The following PRKCA variants were observed in gnomAD, a reference collection of about 807,000 sequenced individuals.
The protein encoded by PRKCA is protein kinase C alpha type.
Under a neutral mutation model 87.0 loss-of-function variants are expected in PRKCA, and 27 were observed. The ratio of observed to expected loss-of-function variants is 0.31; its 90% CI spans 0.23 to 0.43. The LOEUF is 0.43. Among genes scored for constraint, PRKCA ranks in the 20% least tolerant of loss-of-function variants. The pLI is 1.00. For missense variants in PRKCA, 518 were observed against 852.3 expected (o/e 0.61, Z 4.88); for synonymous variants, 329 against 311.1 (o/e 1.06, Z -0.61).
At chr17:66,402,414 ATTTTTTTTT>A (rs368233389) in intron 2 of PRKCA, among the ~76,000 whole-genome samples, 1 of 133,678 alleles carries the variant, frequency 7.5e-6, no homozygotes, top group Non-Finnish European at 1.6e-5. Context: ...AGGCCAAGAA[ATTTTTTTTT>A]TTTTTTTTTT....
At chr17:66,587,917 ATATATATATATATATC>A in intron 3 of PRKCA, among the ~76,000 whole-genome samples, 1 of 132,612 alleles carries the variant, frequency 7.5e-6, no homozygotes, top group Non-Finnish European at 1.6e-5. Flanking sequence ...ATATATATAT[ATATATATATATATATC>A]CTGCAGTAGC....
intron 2 of PRKCA, among the ~76,000 whole-genome samples, chr17:66,351,381 T>C (rs1907735738): frequency 6.6e-6 from 1 of 152,206 alleles, no homozygotes; most frequent in Non-Finnish European, 1.5e-5. Flanking sequence ...TGGCATTGTG[T>C]TGGTTCCTAT....
At chr17:66,778,502 C>T (rs780943747) in intron 14 of PRKCA, among the ~76,000 whole-genome samples, 9 of 151,826 alleles carry the variant, frequency 5.9e-5, no homozygotes, top group African/African-American at 1.2e-4. Context: ...GGCGACAGAG[C>T]GAGACTCCAT....
intron 8 of PRKCA, among the ~76,000 whole-genome samples, chr17:66,715,736 T>G (rs1345444889): frequency 6.6e-6 from 1 of 151,774 alleles, no homozygotes; most frequent in Non-Finnish European, 1.5e-5. Context: ...AGGATACAGT[T>G]TTTTTTTTGC....
In PRKCA at chr17:66,704,402, A is replaced by G. The variant is rs115909336; in HGVS notation, c.918+15355A>G. Among the ~76,000 whole-genome samples the G allele has an allele frequency of 1.1e-3, 175 of 152,344 alleles. 1 individual carries two copies. The highest frequency in any genetic ancestry group is 4.0e-3 in the African/African-American group (166 of 41,586). ...TATTAAGGCTTATAGTTATCTGTAC[A>G]TACATATTCTACTAACTCTATAATA... is the stretch of plus-strand genomic sequence containing the variant. On this transcript the variant is annotated intron_variant, in intron 8 of 16. Transcript: ENST00000413366.
intron 2 of PRKCA, among the ~76,000 whole-genome samples, chr17:66,342,902 G>A (rs755086104): frequency 2.6e-5 from 4 of 152,106 alleles, no homozygotes; most frequent in Non-Finnish European, 5.9e-5. Flanking sequence ...ATCCATCCTT[G>A]TTCATAGAAA....
chr17:66,461,926 C>T (rs1567841501), intron 2 of PRKCA, among the ~76,000 whole-genome samples: 1 of 151,822 alleles, frequency 6.6e-6, no homozygotes, highest in Non-Finnish European at 1.5e-5. Context: ...TCCTAACTAC[C>T]GAGGAGGAGA....
At chr17:66,340,110 C>T (rs1356545508) in intron 2 of PRKCA, 3 of 152,144 alleles carry the variant, frequency 2.0e-5, no homozygotes, top group South Asian at 4.2e-4. Context: ...TTAAACATGT[C>T]TTCATCTCAT....
chr17:66,670,031 C>T (rs1972135906), intron 5 of PRKCA, among the ~76,000 whole-genome samples: 1 of 152,188 alleles, frequency 6.6e-6, no homozygotes, highest in Non-Finnish European at 1.5e-5. Context: ...GTATGCACTA[C>T]TAAATTTTAA....
chr17:66,446,954 G>A (rs1359108528), intron 2 of PRKCA, among the ~76,000 whole-genome samples: 2 of 152,174 alleles, frequency 1.3e-5, no homozygotes, highest in South Asian at 2.1e-4. Flanking sequence ...GTCACCCAGC[G>A]ATTTCTAAAG....
rs2144121601 is a variant in PRKCA, at chr17:66,498,813, A to G, written c.288+2530A>G. On this transcript the variant is annotated intron_variant, in intron 3 of 16. Coordinates refer to ENST00000413366, the MANE Select transcript of PRKCA (RefSeq NM_002737.3). The stretch of plus-strand genomic sequence containing the variant: ...ATGCTGGGCTGTATGGGGCCCTGGA[A>G]AAGGCTGTTTCAGACAAAGGGAAGA... 2.0e-5 allele frequency among the ~76,000 whole-genome samples: 3 copies of G among 152,326 alleles called. No individual in the cohort carries two copies. In the South Asian group the frequency reaches 6.2e-4, roughly 32 times the overall value.
At chr17:66,588,916 C>T (rs1407691424) in intron 3 of PRKCA, among the ~76,000 whole-genome samples, 1 of 152,122 alleles carries the variant, frequency 6.6e-6, no homozygotes, top group East Asian at 1.9e-4. Flanking sequence ...GCTAGGATTA[C>T]AGACATGAGC....
At chr17:66,340,298 G>T (rs564987016) in intron 2 of PRKCA, among the ~76,000 whole-genome samples, 1 of 151,852 alleles carries the variant, frequency 6.6e-6, no homozygotes, top group African/African-American at 2.4e-5. Context: ...TAGGTTTTGG[G>T]TGGACGACTT....
chr17:66,508,641 G>A (rs1467976190), intron 3 of PRKCA, among the ~76,000 whole-genome samples: 4 of 152,166 alleles, frequency 2.6e-5, no homozygotes, highest in Non-Finnish European at 4.4e-5. Flanking sequence ...GGATTTTCTT[G>A]GTTGTCTCCA....
At chr17:66,777,474 G>T (rs1975084045) in intron 14 of PRKCA, 1 of 963,044 alleles carries the variant, frequency 1.0e-6, no homozygotes, top group African/African-American at 2.0e-5. Flanking sequence ...ATACGTCCGG[G>T]TGTAAACACA....
chr17:66,787,647 C>G (rs1021224884), intron 15 of PRKCA, among the ~76,000 whole-genome samples: 2 of 152,136 alleles, frequency 1.3e-5, no homozygotes, highest in East Asian at 3.8e-4. Flanking sequence ...TGTAATTGCA[C>G]CCAGCTCAAG....
At chr17:66,455,978 G>A (rs1171947788) in intron 2 of PRKCA, among the ~76,000 whole-genome samples, 2 of 152,098 alleles carry the variant, frequency 1.3e-5, no homozygotes, top group African/African-American at 4.8e-5. Context: ...TGGTAGATTA[G>A]GGTAGACACT....
chr17:66,651,815 C>T (rs1055410457), intron 5 of PRKCA, among the ~76,000 whole-genome samples: 4 of 152,110 alleles, frequency 2.6e-5, no homozygotes, highest in East Asian at 1.9e-4. Flanking sequence ...CCTGGTTCAG[C>T]GTTCTCAGCA....
intron 3 of PRKCA, among the ~76,000 whole-genome samples, chr17:66,619,585 A>G (rs565287983): frequency 6.6e-6 from 1 of 152,320 alleles, no homozygotes; most frequent in Admixed American, 6.5e-5. Flanking sequence ...TGCCCCTCAA[A>G]TGAATATCAT....
Sources: allele counts gnomAD v4.1 joint callset (sites outside exome capture counted in the v4.1 genomes callset), GRCh38; gene constraint gnomAD v4.1.1; transcripts MANE v1.5; gene names NCBI Gene and HGNC (gene_info 2026-07-23, HGNC 2026-07-21).